Variants in LAMA5 observed in about 807,000 individuals in gnomAD.
LAMA5 encodes the protein laminin subunit alpha-5.
LAMA5 carries 260 observed loss-of-function variants against 433.4 expected under a neutral mutation model. That is an observed-to-expected ratio of 0.60 (90% CI 0.54 to 0.66). The LOEUF (loss-of-function observed/expected upper bound fraction) is 0.66. Among genes scored for constraint, LAMA5 ranks in the 30% least tolerant of loss-of-function variants. The pLI, the probability that LAMA5 is intolerant of heterozygous loss-of-function variation, is 0.00. For missense variants in LAMA5, 5,378 were observed against 5,258.5 expected (o/e 1.02, Z -0.70); for synonymous variants, 2,620 against 2,226.6 (o/e 1.18, Z -4.97).
Position 62,326,946 on chromosome 20 carries a change from G to A in LAMA5, c.5133C>T (p.Thr1711=), listed in dbSNP as rs1034390810. The A allele has an allele frequency of 6.2e-7, 1 of 1,609,856 alleles. No individual in the cohort carries two copies. Among genetic ancestry groups the A allele is most frequent in the African/African-American group, 1.3e-5 (1 of 74,988 alleles). ...LGDRVSSYGG[T]LRYELHSETQ... is the part of the protein sequence containing the mutation. ...TCTCTGAGTGCAGTTCATAACGGAG[G>A]GTCCCACCGTAGGATGACACCTGGA... The change falls in exon 39 of 80, where the codon ACC becomes ACT. Residue 1711 remains threonine, a synonymous_variant. Coordinates refer to ENST00000252999, the MANE Select transcript of LAMA5 (RefSeq NM_005560.6).
chr20:62,315,238 G>T (rs754833292), intron 58 of LAMA5, 31 bp from the exon 59 acceptor site: 38 of 1,557,862 alleles, frequency 2.4e-5, no homozygotes, highest in South Asian at 2.4e-4. Flanking sequence ...GCTCAGCAGG[G>T]GCCAGCGGGG....
Position 62,316,024 on chromosome 20 carries a change from G to A in LAMA5, c.7791C>T (p.Leu2597=). Residue 2597 remains leucine (L), a synonymous_variant, in exon 58 of 80, where the codon CTC becomes CTT. Coordinates refer to ENST00000252999, the MANE Select transcript of LAMA5 (RefSeq NM_005560.6). ...WAALQGARTQ[L]RDVRAKKDQL... ...GGTCCTTCTTGGCCCGGACATCTCG[G>A]AGCTGGGTCCTGGCACCCTGGAGGG... 6.2e-7 allele frequency: 1 copy of A among 1,609,680 alleles called. No individual in the cohort carries two copies. The highest frequency in any genetic ancestry group is 1.1e-5 in the South Asian group (1 of 90,588).
At chr20:62,340,526 G>A (rs534355749) in intron 11 of LAMA5, among the ~76,000 whole-genome samples, 8 of 151,286 alleles carry the variant, frequency 5.3e-5, no homozygotes, top group South Asian at 2.1e-4. Context: ...GGTCAGGCTC[G>A]TCTCGAACTC....
intron 6 of LAMA5, chr20:62,351,253 G>C (rs982889508): frequency 8.8e-6 from 2 of 227,118 alleles, no homozygotes; most frequent in African/African-American, 4.4e-5. Flanking sequence ...GAAAGGTTGG[G>C]GGAGCTGGGC....
chr20:62,344,455 CTT>C (rs1230238157), intron 11 of LAMA5, among the ~76,000 whole-genome samples: 2 of 151,186 alleles, frequency 1.3e-5, no homozygotes, highest in Non-Finnish European at 2.9e-5. Flanking sequence ...CTGGGAGACT[CTT>C]TTTTTTTAAA....
In LAMA5 at chr20:62,328,937, G is replaced by A. The variant is rs1269353306; in HGVS notation, c.4354C>T (p.Pro1452Ser). 1 of 1,611,592 alleles carries A rather than the reference G, an allele frequency of 6.2e-7. No homozygotes were observed. The highest frequency in any genetic ancestry group is 8.5e-7 in the Non-Finnish European group (1 of 1,179,064). ...EVGATGPTCE[P>S]FGGQCPCHAH... ...TGGCAGGGACACTGGCCCCCGAAGG[G>A]CTCACACGTGGGGCCTGTAGCACCT... Residue 1452 changes from proline to serine, a missense_variant, in exon 34 of 80, where the codon CCC becomes TCC. Transcript: ENST00000252999.
chr20:62,332,574 C>T lies in LAMA5; in HGVS notation c.3426G>A (p.Leu1142=). The change falls in exon 27 of 80, where the codon CTG becomes CTA. Residue 1142 remains leucine (L), a synonymous_variant. Transcript: ENST00000252999. The stretch of plus-strand genomic sequence containing the variant: ...CCACTCACCTGTACAGGCAGGGGTG[C>T]AGGGAGAGCAGCCCCTGCTGGGGGG... ...QRAPQQGLLS[L]HPCLYSTLCR... The T allele has an allele frequency of 6.3e-7, 1 of 1,593,570 alleles. No homozygotes were observed. The highest frequency in any genetic ancestry group is 8.6e-7 in the Non-Finnish European group (1 of 1,168,024).
At chr20:62,350,285 G>C (rs1052211782) in intron 6 of LAMA5, among the ~76,000 whole-genome samples, 7 of 152,098 alleles carry the variant, frequency 4.6e-5, no homozygotes, top group Admixed American at 2.6e-4. Flanking sequence ...GGACAAGTTA[G>C]CTCTGCTGGA....
chr20:62,343,307 A>G (rs766386345), intron 11 of LAMA5, among the ~76,000 whole-genome samples: 4 of 152,184 alleles, frequency 2.6e-5, no homozygotes, highest in Non-Finnish European at 4.4e-5. Context: ...GAACCAGCAG[A>G]CAAGAGAATT....
intron 57 of LAMA5, 68 bp downstream of exon 57, chr20:62,316,603 G>A: frequency 5.6e-6 from 7 of 1,250,994 alleles, no homozygotes; most frequent in South Asian, 1.5e-5. Context: ...TGTGGCTGGG[G>A]GCTGAGGGTC....
At chr20:62,323,706 G>A (rs763485429) in intron 44 of LAMA5, 36 bp from the exon 45 acceptor site, 24 of 1,591,492 alleles carry the variant, frequency 1.5e-5, no homozygotes, top group South Asian at 4.5e-5. Context: ...TCAGTGGCCC[G>A]TGGCGCCCAC....
At position 62,356,703 on chromosome 20, in the gene LAMA5, G is replaced by A. The variant is rs538379016; in HGVS notation, c.451-3452C>T. On this transcript the variant is annotated intron_variant, in intron 2 of 79. Transcript: ENST00000252999. The stretch of plus-strand genomic sequence containing the variant: ...GGGCCCAGGACCCAGGGCCCAGGCC[G>A]GCTCCAGGCTTCAGGGGTTGTGCGG... Among the ~76,000 whole-genome samples the A allele has an allele frequency of 2.0e-3, 305 of 152,274 alleles. 7 individuals are homozygous for A. The South Asian group carries it at 0.056, about 28-fold the overall frequency.
In LAMA5 at chr20:62,344,132, G is replaced by A. The variant is rs139036555; in HGVS notation, c.1477+1686C>T. 6.6e-3 allele frequency among the ~76,000 whole-genome samples: 635 copies of A among 96,896 alleles called. 2 individuals carry two copies. The highest frequency in any genetic ancestry group is 0.052 in the Middle Eastern group (6 of 116). The allele number at this position is 96,896 out of a possible 152,430, so 63.6% of individuals were successfully genotyped here. A position where few individuals can be genotyped will look rare whatever the true frequency, so the allele number is the denominator to read the frequency against. On this transcript the variant is annotated intron_variant, in intron 11 of 79. Transcript: ENST00000252999. ...ACATTCCAGCCTGGGTAAAAAGAGC[G>A]AAACTCCATCTCAAAAAAAAAAAAA...
intron 4 of LAMA5, 32 bp downstream of exon 4, chr20:62,352,210 C>T: frequency 6.4e-7 from 1 of 1,569,582 alleles, no homozygotes; most frequent in Non-Finnish European, 8.6e-7. Flanking sequence ...CGTTCTCCAG[C>T]CCCCGTACCG....
chr20:62,366,871 C>G (rs1247838173), intron 1 of LAMA5, 78 bp downstream of exon 1: 10 of 1,227,226 alleles, frequency 8.1e-6, no homozygotes, highest in Admixed American at 4.2e-5. Context: ...CGGGCCACGG[C>G]GCTCCCCCTG....
intron 11 of LAMA5, among the ~76,000 whole-genome samples, chr20:62,340,512 T>C (rs1982436409): frequency 1.3e-5 from 2 of 151,488 alleles, no homozygotes; most frequent in Admixed American, 1.3e-4. Flanking sequence ...GGTTTCTCCA[T>C]GTTGGTCAGG....
At chr20:62,321,608 AGTG>A (rs1987789790) in intron 48 of LAMA5, among the ~76,000 whole-genome samples, 1 of 66,664 alleles carries the variant, frequency 1.5e-5, no homozygotes, top group Non-Finnish European at 2.9e-5. Context: ...AGGTGGGGTC[AGTG>A]AAGGGGTGGG....
chr20:62,320,835 G>A lies in LAMA5; in HGVS notation c.6552C>T (p.Leu2184=), dbSNP rs148525343. 1.4e-5 allele frequency: 22 copies of A among 1,612,482 alleles called. No individual in the cohort carries two copies. In the African/African-American group the frequency reaches 2.7e-4, roughly 20 times the overall value. The stretch of plus-strand genomic sequence containing the variant: ...GCAGTTGCTCGTGAATGGCGGGGAG[G>A]AGGGCGCCGGCCCGTTCCAGGTCAT... ...LLDDLERAGA[L]LPAIHEQLRG... The change falls in exon 49 of 80, where the codon CTC becomes CTT. Residue 2184 remains leucine (L), a synonymous_variant. Coordinates refer to ENST00000252999, the MANE Select transcript of LAMA5 (RefSeq NM_005560.6).
At chr20:62,318,679 C>A in intron 52 of LAMA5, 29 bp from the exon 53 acceptor site, 1 of 1,603,138 alleles carries the variant, frequency 6.2e-7, no homozygotes, top group Non-Finnish European at 8.5e-7. Context: ...AGGGTGGTCA[C>A]TCTGGAAGCC....
Sources: allele counts gnomAD v4.1 joint callset (sites outside exome capture counted in the v4.1 genomes callset), GRCh38; gene constraint gnomAD v4.1.1; transcripts MANE v1.5; gene names NCBI Gene and HGNC (gene_info 2026-07-23, HGNC 2026-07-21).